DOCK1: variants seen among roughly 807,000 people sequenced by gnomAD.
The protein encoded by DOCK1 is dedicator of cytokinesis protein 1.
A neutral mutation model predicts 262.7 loss-of-function variants in DOCK1; 138 were observed. That is an observed-to-expected ratio of 0.53 (90% CI 0.46 to 0.61). The LOEUF is 0.61. DOCK1 is among the 20% of genes least tolerant of loss of function. The pLI is 0.00. For synonymous variants in DOCK1, 866 were observed against 867.4 expected (o/e 1.00, Z 0.03); for missense variants, 1,908 against 2,370.7 (o/e 0.80, Z 4.05).
Position 126,996,887 on chromosome 10 carries a change from A to G in DOCK1, c.609+4A>G. The G allele has an allele frequency of 1.9e-6, 3 of 1,594,558 alleles. No individual in the cohort carries two copies. The highest frequency in any genetic ancestry group is 2.6e-6 in the Non-Finnish European group (3 of 1,173,330). ...GGAAAGGTTACAAGAGGAAAAAGTA[A>G]GTTTGACTCTGTCATATGCCATTCA... On this transcript the variant is annotated splice_donor_region_variant and intron_variant, in intron 7 of 51. Transcript: ENST00000623213.
Position 127,012,290 on chromosome 10 carries a change from C to A in DOCK1, c.1117C>A (p.Pro373Thr), listed in dbSNP as rs774392847. The change falls in exon 12 of 52, where the codon CCC becomes ACC. Residue 373 changes from proline to threonine, a missense_variant. Physicochemically the swap from Pro to Thr is conservative, Grantham distance 38. Coordinates refer to ENST00000623213, the MANE Select transcript of DOCK1 (RefSeq NM_001290223.2). This position sits in a 1 kb window ranked among gnomAD's most constrained non-coding sequence, Gnocchi z 4.0. ...GCTGAACATGTCATCCCGTTTTTCA[C>A]CCAGGGTGGCAGGGGAGAATGACTT... ...KPLNMSSRFS[P>T]RVAGENDFLQ... 6.2e-7 allele frequency: 1 copy of A among 1,613,996 alleles called. No homozygotes were observed. The highest frequency in any genetic ancestry group is 8.5e-7 in the Non-Finnish European group (1 of 1,179,876).
intron 27 of DOCK1, among the ~76,000 whole-genome samples, chr10:127,160,146 A>T (rs1413681969): frequency 6.6e-6 from 1 of 152,106 alleles, no homozygotes; most frequent in African/African-American, 2.4e-5. Flanking sequence ...AGAAAAAAAA[A>T]AAAAAGTCTC....
At chr10:127,021,610 A>G (rs2042428105) in intron 13 of DOCK1, among the ~76,000 whole-genome samples, 1 of 152,130 alleles carries the variant, frequency 6.6e-6, no homozygotes, top group Non-Finnish European at 1.5e-5. Context: ...TCACACAGCA[A>G]ATGAGCAACA....
At chr10:127,146,097 A>G (rs750101476) in intron 27 of DOCK1, 2 of 511,432 alleles carry the variant, frequency 3.9e-6, no homozygotes, top group South Asian at 2.9e-5. Context: ...AAAAATCTCC[A>G]TACTCATCTA....
chr10:127,363,007 A>ACGTG (rs1485770765), intron 33 of DOCK1, among the ~76,000 whole-genome samples: 1 of 122,860 alleles, frequency 8.1e-6, no homozygotes, highest in Non-Finnish European at 1.6e-5. Context: ...ACACACACGC[A>ACGTG]CATCCCCACA....
chr10:127,327,751 C>T (rs772754023), intron 29 of DOCK1, among the ~76,000 whole-genome samples: 1 of 152,194 alleles, frequency 6.6e-6, no homozygotes, highest in South Asian at 2.1e-4. Flanking sequence ...GACCCAGCCT[C>T]TCTATAGACA....
At chr10:127,251,993 G>C (rs1351559850) in intron 28 of DOCK1, among the ~76,000 whole-genome samples, 3 of 152,078 alleles carry the variant, frequency 2.0e-5, no homozygotes, top group African/African-American at 7.2e-5. Context: ...CTAGTTTACA[G>C]TCCCACCAAC....
chr10:127,090,213 A>G (rs1363794450), intron 23 of DOCK1, among the ~76,000 whole-genome samples: 2 of 152,110 alleles, frequency 1.3e-5, no homozygotes, highest in African/African-American at 4.8e-5. Flanking sequence ...TTGGCAAGAC[A>G]TGGCTGTTCC....
At chr10:126,975,775 G>A (rs1460755962) in intron 2 of DOCK1, among the ~76,000 whole-genome samples, 2 of 138,972 alleles carry the variant, frequency 1.4e-5, no homozygotes, top group African/African-American at 5.1e-5. Flanking sequence ...ACGCCACCAC[G>A]CCCAGCCAAT....
chr10:127,057,585 C>G (rs1386954460), intron 22 of DOCK1, among the ~76,000 whole-genome samples: 2 of 152,160 alleles, frequency 1.3e-5, no homozygotes, highest in Non-Finnish European at 2.9e-5. Context: ...CCTGGGGAAC[C>G]CACTGAAAGA....
rs1189253467 is a variant in DOCK1, at chr10:127,439,191, T to C, written c.5225T>C (p.Leu1742Pro). Residue 1742 changes from leucine (L) to proline (P), a missense_variant, in exon 49 of 52, where the codon CTG becomes CCG. Leu to Pro is a moderately conservative substitution (Grantham distance 98). Transcript: ENST00000623213. ...GAATTTAAACCCACCGACATTTCCC[T>C]GCAGCAGTCTGAGGCTGTGATCCTT... Reference protein sequence around the residue: ...EKEFKPTDISLQQSEAVILSE... With the variant: ...EKEFKPTDISPQQSEAVILSE... 1 of 1,611,626 alleles carries C rather than the reference T, an allele frequency of 6.2e-7. No individual in the cohort carries two copies. Among genetic ancestry groups the C allele is most frequent in the Non-Finnish European group, 8.5e-7 (1 of 1,179,082 alleles).
chr10:126,906,082 G>A (rs868667332), intron 1 of DOCK1, among the ~76,000 whole-genome samples: 92 of 152,300 alleles, frequency 6.0e-4, no homozygotes, highest in African/African-American at 2.1e-3. Flanking sequence ...GAGGGGGCGC[G>A]ACCTGGGTGG....
intron 21 of DOCK1, 75 bp from the exon 22 acceptor site, chr10:127,052,606 A>G (rs2044811436): frequency 2.5e-6 from 4 of 1,600,812 alleles, no homozygotes; most frequent in Admixed American, 1.7e-5. Flanking sequence ...ACCTACTTGT[A>G]TATTTCCTTA....
chr10:127,282,640 C>T (rs555525038), intron 29 of DOCK1, among the ~76,000 whole-genome samples: 5 of 152,328 alleles, frequency 3.3e-5, no homozygotes, highest in East Asian at 1.9e-4. Context: ...AGCACACACC[C>T]GCCTCTCCGT....
At chr10:127,411,490 C>A (rs1379707623) in intron 43 of DOCK1, among the ~76,000 whole-genome samples, 5 of 152,168 alleles carry the variant, frequency 3.3e-5, no homozygotes, top group African/African-American at 4.8e-5. Flanking sequence ...TTGGCAGCAT[C>A]CCTGAACACT....
At chr10:127,146,045 C>G (rs1380793305) in intron 27 of DOCK1, 1 of 518,554 alleles carries the variant, frequency 1.9e-6, no homozygotes, top group South Asian at 1.4e-5. Flanking sequence ...CGACCCAGCC[C>G]TAGACATCGT....
intron 29 of DOCK1, among the ~76,000 whole-genome samples, chr10:127,276,220 G>A (rs2060735886): frequency 6.6e-6 from 1 of 152,210 alleles, no homozygotes; most frequent in Non-Finnish European, 1.5e-5. Context: ...GAGGTTGGGT[G>A]GAGATGCTGG....
chr10:127,388,421 G>C (rs1239525814), intron 38 of DOCK1, among the ~76,000 whole-genome samples: 2 of 152,196 alleles, frequency 1.3e-5, no homozygotes, highest in African/African-American at 4.8e-5. Flanking sequence ...GTGCTGGAAA[G>C]AATTTGATAA....
chr10:127,044,143 T>C (rs1329545073), intron 21 of DOCK1, among the ~76,000 whole-genome samples: 1 of 152,210 alleles, frequency 6.6e-6, no homozygotes, highest in East Asian at 1.9e-4. Flanking sequence ...CTTTTTAGTG[T>C]GAGTAAATTT....
Sources: allele counts gnomAD v4.1 joint callset (sites outside exome capture counted in the v4.1 genomes callset), GRCh38; gene constraint gnomAD v4.1.1; non-coding constraint Gnocchi (gnomAD v3.1); transcripts MANE v1.5; gene names NCBI Gene and HGNC (gene_info 2026-07-23, HGNC 2026-07-21).